The following ESD variants were observed in gnomAD, a reference collection of about 807,000 sequenced individuals.
ESD encodes S-formylglutathione hydrolase.
Under a neutral mutation model 38.1 loss-of-function variants are expected in ESD, and 34 were observed. The observed-to-expected ratio is 0.89, with a 90% CI of 0.68 to 1.19. The LOEUF is 1.19. Ranked by LOEUF, ESD falls within the 50% of genes most tolerant of loss-of-function variation. ESD has a pLI of 0.00. For synonymous variants in ESD, 97 were observed against 107.0 expected (o/e 0.91, Z 0.58); for missense variants, 334 against 327.2 (o/e 1.02, Z -0.16).
At chr13:46,787,233 G>A in intron 3 of ESD, 124 bp from the exon 4 acceptor site, 1 of 498,554 alleles carries the variant, frequency 2.0e-6, no homozygotes, top group East Asian at 3.1e-5. Flanking sequence ...GTTATTTAAT[G>A]TTCAAAATAA....
At chr13:46,793,534 G>A (rs1428106767) in intron 1 of ESD, 90 bp from the exon 2 acceptor site, 3 of 152,450 alleles carry the variant, frequency 2.0e-5, no homozygotes, top group Non-Finnish European at 2.9e-5. Context: ...ATTCTCAATA[G>A]AGATGTTTTC....
chr13:46,789,965 A>G (rs996844001), intron 3 of ESD, among the ~76,000 whole-genome samples: 2 of 150,814 alleles, frequency 1.3e-5, no homozygotes, highest in African/African-American at 4.9e-5. Context: ...ACAGGTGTGC[A>G]TAACCATGCC....
chr13:46,785,980 C>T (rs1248173324), intron 4 of ESD, among the ~76,000 whole-genome samples: 3 of 152,070 alleles, frequency 2.0e-5, no homozygotes, highest in African/African-American at 7.2e-5. Flanking sequence ...TGTTCAACTC[C>T]ACATTAGCGT....
At chr13:46,796,657 A>C (rs1275645291) in intron 1 of ESD, among the ~76,000 whole-genome samples, 1 of 152,186 alleles carries the variant, frequency 6.6e-6, no homozygotes, top group African/African-American at 2.4e-5. Flanking sequence ...CCCGACGCGG[A>C]CGCTGCCTAG....
chr13:46,781,678 T>A, intron 6 of ESD, 63 bp from the exon 7 acceptor site: 1 of 1,451,480 alleles, frequency 6.9e-7, no homozygotes, highest in Non-Finnish European at 9.6e-7. Context: ...CATTTCAAAG[T>A]TACAGAAAAT....
intron 8 of ESD, among the ~76,000 whole-genome samples, chr13:46,779,027 C>T (rs1350071606): frequency 6.6e-6 from 1 of 151,622 alleles, no homozygotes; most frequent in Non-Finnish European, 1.5e-5. Context: ...TGCTTGTTAA[C>T]AATACACATC....
At chr13:46,775,654 C>G (rs1874770937) in intron 9 of ESD, 1 of 470,456 alleles carries the variant, frequency 2.1e-6, no homozygotes, top group Non-Finnish European at 4.4e-6. Context: ...TCAACGAAAT[C>G]CGCTTCAAGC....
At chr13:46,797,589 C>A (rs2138312934), upstream of ESD, among the ~76,000 whole-genome samples, 1 of 152,366 alleles carries the variant, frequency 6.6e-6, no homozygotes, top group South Asian at 2.1e-4. Context: ...CCAAGACTAT[C>A]CACGTCACCT....
At chr13:46,789,401 T>C (rs1223363695) in intron 3 of ESD, among the ~76,000 whole-genome samples, 1 of 152,228 alleles carries the variant, frequency 6.6e-6, no homozygotes, top group African/African-American at 2.4e-5. Flanking sequence ...TTCTTAGTTC[T>C]AGTAATACCG....
At chr13:46,777,411 C>T in intron 9 of ESD, 45 bp downstream of exon 9, 1 of 1,376,042 alleles carries the variant, frequency 7.3e-7, no homozygotes, top group Non-Finnish European at 9.8e-7. Flanking sequence ...CCTAATTTTT[C>T]ATAGTTACAT....
At chr13:46,789,991 C>CATATATATATATATATATATATAT (rs1163985354) in intron 3 of ESD, among the ~76,000 whole-genome samples, 2 of 140,284 alleles carry the variant, frequency 1.4e-5, no homozygotes, top group Non-Finnish European at 3.0e-5. Flanking sequence ...AATTTTTGTA[C>CATATATATATATATATATATATAT]ATATATATAT....
At chr13:46,790,911 T>A (rs1875373674) in intron 3 of ESD, among the ~76,000 whole-genome samples, 1 of 152,208 alleles carries the variant, frequency 6.6e-6, no homozygotes, top group Non-Finnish European at 1.5e-5. Context: ...TTTATAGGTA[T>A]ATGTATGTGT....
intron 1 of ESD, among the ~76,000 whole-genome samples, chr13:46,794,164 C>A (rs200114005): frequency 0.011 from 609 of 57,214 alleles, 1 homozygote; most frequent in African/African-American, 0.021. Context: ...CTCCAAAAAA[C>A]AACAACAACA....
At chr13:46,794,040 T>C (rs1310204385) in intron 1 of ESD, among the ~76,000 whole-genome samples, 1 of 152,112 alleles carries the variant, frequency 6.6e-6, no homozygotes, top group African/African-American at 2.4e-5. Flanking sequence ...GTAGATTTCA[T>C]TTAGGCTCTA....
chr13:46,792,684 TCA>T (rs1184799932), intron 2 of ESD, among the ~76,000 whole-genome samples: 5 of 151,990 alleles, frequency 3.3e-5, no homozygotes, highest in African/African-American at 1.2e-4. Flanking sequence ...TACCATCTGC[TCA>T]GTTTTATGCT....
At chr13:46,781,697 A>AC in intron 6 of ESD, 82 bp from the exon 7 acceptor site, 1 of 1,252,230 alleles carries the variant, frequency 8.0e-7, no homozygotes, top group Non-Finnish European at 1.1e-6. Context: ...ATAATTACAC[A>AC]ATCAATACTG....
chr13:46,780,544 A>G (rs1874962494), intron 7 of ESD, among the ~76,000 whole-genome samples: 1 of 151,630 alleles, frequency 6.6e-6, no homozygotes, highest in South Asian at 2.1e-4. Flanking sequence ...GGATCTCTCA[A>G]CTTCAGAGTA....
Position 46,787,059 on chromosome 13 carries a change from G to A in ESD, c.119C>T (p.Ala40Val), listed in dbSNP as rs1357179544. The A allele has an allele frequency of 6.3e-7, 1 of 1,577,308 alleles. No individual in the cohort carries two copies. The highest frequency in any genetic ancestry group is 8.7e-7 in the Non-Finnish European group (1 of 1,155,476). The change falls in exon 4 of 10, where the codon GCA (alanine) becomes GTA (valine). Residue 40 changes from alanine to valine, a missense_variant. By Grantham distance (64) the Ala-to-Val change is moderately conservative. Transcript: ENST00000378720. ...MKFAVYLPPK[A>V]ETGKCPALYW... The stretch of plus-strand genomic sequence containing the variant: ...CAGTGCAGGGCACTTTCCTGTTTCT[G>A]CCTTTGGTGGTAAGTAGACAGCAAA...
At chr13:46,778,398 C>A (rs1874880878) in intron 8 of ESD, among the ~76,000 whole-genome samples, 1 of 151,792 alleles carries the variant, frequency 6.6e-6, no homozygotes, top group Admixed American at 6.6e-5. Context: ...GGGAGAGGAC[C>A]TATAAAGTCT....
Sources: allele counts gnomAD v4.1 joint callset (sites outside exome capture counted in the v4.1 genomes callset), GRCh38; gene constraint gnomAD v4.1.1; transcripts MANE v1.5; gene names NCBI Gene and HGNC (gene_info 2026-07-23, HGNC 2026-07-21).